Variants in PABPC1 observed in about 807,000 individuals in gnomAD.
PABPC1 encodes polyadenylate-binding protein 1.
PABPC1 carries 4 observed loss-of-function variants against 74.0 expected under a neutral mutation model. The observed-to-expected ratio is 0.05, with a 90% CI of 0.03 to 0.12. The LOEUF (loss-of-function observed/expected upper bound fraction) is 0.12, where lower values mean the gene tolerates loss of function less well. Ranked by LOEUF, PABPC1 falls within the 10% of genes least tolerant of loss-of-function variation. The pLI is 1.00. For missense variants in PABPC1, 271 were observed against 821.1 expected, an observed-to-expected ratio of 0.33 and a Z score of 8.19; for synonymous variants, 227 against 264.1, an observed-to-expected ratio of 0.86 and a Z score of 1.36.
At chr8:100,718,373 C>T in intron 1 of PABPC1, 93 bp from the exon 2 acceptor site, 1 of 944,132 alleles carries the variant, frequency 1.1e-6, no homozygotes, top group South Asian at 1.7e-5. Flanking sequence ...AGTGGGAGGA[C>T]ACATGGTCTC....
intron 14 of PABPC1, among the ~76,000 whole-genome samples, chr8:100,703,885 A>G (rs1810310549): frequency 6.6e-6 from 1 of 152,132 alleles, no homozygotes; most frequent in Non-Finnish European, 1.5e-5. Context: ...CCCCAAGTCT[A>G]GTAAAAATAC....
chr8:100,709,255 G>A lies in PABPC1; in HGVS notation c.1246-32C>T, dbSNP rs770623614. On this transcript the variant is annotated intron_variant, in intron 8 of 14. Transcript: ENST00000318607. ...GGAAAAAAAGCACATGAGTTTATCA[G>A]TTGAAGAAAAAAGCAAATAATGCAA... 15 of 1,593,270 alleles carry A rather than the reference G, an allele frequency of 9.4e-6. No individual in the cohort carries two copies. The East Asian group carries it at 2.7e-4, about 28-fold the overall frequency.
In PABPC1 at chr8:100,704,318, T is replaced by G; in HGVS notation, c.1891A>C (p.Thr631Pro). The change falls in exon 14 of 15, where the codon ACC becomes CCC. Residue 631 changes from threonine (T) to proline (P), a missense_variant. Transcript: ENST00000318607. Reference sequence around the variant, plus strand: ...TCACTTTAAACAGTTGGAACACCGGTGGCACTGTTAACTGCTTTCTGGGCA... The same window carrying G: ...TCACTTTAAACAGTTGGAACACCGGGGGCACTGTTAACTGCTTTCTGGGCA... ...EAAQKAVNSA[T>P]GVPTV The G allele has an allele frequency of 6.2e-7, 1 of 1,613,764 alleles. No homozygotes were observed. Among genetic ancestry groups the G allele is most frequent in the African/African-American group, 1.3e-5 (1 of 75,012 alleles).
At position 100,705,568 on chromosome 8, in the gene PABPC1, AGG is replaced by A. The variant is rs1427471017; in HGVS notation, c.1687+19_1687+20del. On this transcript the variant is annotated intron_variant, in intron 12 of 14. Coordinates refer to ENST00000318607, the MANE Select transcript of PABPC1 (RefSeq NM_002568.4). The stretch of plus-strand genomic sequence containing the variant: ...ATTTTCTAGTCTTTCTGAACTGACA[AGG>A]TGGGACAGAAGTACTCACCCAACAT... 2 of 1,323,488 alleles carry A rather than the reference AGG, an allele frequency of 1.5e-6. No individual in the cohort carries two copies. The highest frequency in any genetic ancestry group is 1.7e-5 in the Admixed American group (1 of 58,288). 82.0% of individuals were successfully genotyped at this position (1,323,488 alleles called of 1,614,324 possible). A position where few individuals can be genotyped will look rare whatever the true frequency, so the allele number is the denominator to read the frequency against.
At chr8:100,717,470 C>T (rs897787585) in intron 3 of PABPC1, among the ~76,000 whole-genome samples, 2 of 152,102 alleles carry the variant, frequency 1.3e-5, no homozygotes, top group African/African-American at 4.8e-5. Flanking sequence ...TTTGAAAAAG[C>T]TACATTTTTC....
At chr8:100,715,417 C>A in intron 4 of PABPC1, 45 bp downstream of exon 4, 1 of 1,517,226 alleles carries the variant, frequency 6.6e-7, no homozygotes, top group Non-Finnish European at 8.9e-7. Flanking sequence ...ACACTGAGCA[C>A]TAATTCAGAG....
rs575903648 is a variant in PABPC1, at chr8:100,709,311, C to T, written c.1246-88G>A. 272 of 1,463,810 alleles carry T rather than the reference C, an allele frequency of 1.9e-4. 1 individual carries two copies. The African/African-American group carries it at 3.4e-3, about 18-fold the overall frequency. The allele number at this position is 1,463,810 out of a possible 1,614,324, so 90.7% of individuals were successfully genotyped here. A position where few individuals can be genotyped will look rare whatever the true frequency, so the allele number is the denominator to read the frequency against. ...TATATGTACTTTTTCAAAACATTTA[C>T]CAGGACTTCACACTCAAGCATTTTT... On this transcript the variant is annotated intron_variant, in intron 8 of 14. Transcript: ENST00000318607.
chr8:100,706,687 T>C lies in PABPC1; in HGVS notation c.1566A>G (p.Gln522=), dbSNP rs770563306. 9 of 1,614,130 alleles carry C rather than the reference T, an allele frequency of 5.6e-6. No individual in the cohort carries two copies. Among genetic ancestry groups the C allele is most frequent in the Admixed American group, 1.7e-5 (1 of 60,020 alleles). ...TAACTTGTGGCTGTGCATTAAGATG[T>C]TGCTGAGGATTGCGAACTCCTGCAG... ...KYAAGVRNPQ[Q]HLNAQPQVTM... Residue 522 remains glutamine, a synonymous_variant, in exon 11 of 15, where the codon CAA becomes CAG. Transcript: ENST00000318607.
intron 1 of PABPC1, among the ~76,000 whole-genome samples, chr8:100,719,008 C>A (rs1810743810): frequency 6.6e-6 from 1 of 152,222 alleles, no homozygotes; most frequent in African/African-American, 2.4e-5. Flanking sequence ...TTGACACATA[C>A]AATCAATTTC....
chr8:100,716,217 A>G (rs1810665338), intron 3 of PABPC1, among the ~76,000 whole-genome samples: 1 of 152,200 alleles, frequency 6.6e-6, no homozygotes, highest in Non-Finnish European at 1.5e-5. Context: ...CAGCCTAGCC[A>G]ACATGGTGAA....
Position 100,712,721 on chromosome 8 carries a change from C to T in PABPC1, c.807G>A (p.Lys269=), listed in dbSNP as rs1053079946. The T allele has an allele frequency of 6.2e-7, 1 of 1,613,164 alleles. No homozygotes were observed. Among genetic ancestry groups the T allele is most frequent in the African/African-American group, 1.3e-5 (1 of 74,806 alleles). ...GCTTAAGTTCCGTCTGCCGTTCCAC[C>T]TTTTTCTGAGCTCGACCAACATAAA... ...KQIYVGRAQK[K]VERQTELKRK... Residue 269 remains lysine (K), a synonymous_variant, in exon 6 of 15, where the codon AAG becomes AAA. Coordinates refer to ENST00000318607, the MANE Select transcript of PABPC1 (RefSeq NM_002568.4).
chr8:100,719,510 T>C (rs140293240), intron 1 of PABPC1, among the ~76,000 whole-genome samples: 151 of 152,184 alleles, frequency 9.9e-4, no homozygotes, highest in African/African-American at 3.4e-3. Context: ...AATAAGTTTT[T>C]AAAAAAGAAC....
chr8:100,709,291 G>A (rs1203884830), intron 8 of PABPC1, 68 bp from the exon 9 acceptor site: 5 of 1,494,222 alleles, frequency 3.3e-6, no homozygotes, highest in South Asian at 2.3e-5. Context: ...TAAATTATAT[G>A]TACTTTTTCA....
intron 7 of PABPC1, among the ~76,000 whole-genome samples, chr8:100,711,350 C>G (rs189705634): frequency 1.8e-4 from 28 of 152,102 alleles, no homozygotes; most frequent in African/African-American, 6.5e-4. Flanking sequence ...ATTCTTGGGC[C>G]GCATGTGGCC....
intron 5 of PABPC1, 87 bp from the exon 6 acceptor site, chr8:100,712,876 A>C (rs1182733462): frequency 1.4e-6 from 2 of 1,428,402 alleles, no homozygotes; most frequent in African/African-American, 3.0e-5. Context: ...AAATTTGTTA[A>C]GTCACAAAAG....
chr8:100,710,709 G>A (rs572309721), intron 7 of PABPC1, among the ~76,000 whole-genome samples: 7 of 152,138 alleles, frequency 4.6e-5, no homozygotes, highest in African/African-American at 7.2e-5. Flanking sequence ...ATGTTTGGCC[G>A]GGCGCGGTGG....
chr8:100,715,691 T>C lies in PABPC1; in HGVS notation c.504-90A>G, dbSNP rs1042831410. The C allele has an allele frequency of 3.5e-6, 3 of 869,436 alleles. No individual in the cohort carries two copies. In the African/African-American group the frequency reaches 5.1e-5, roughly 15 times the overall value. 53.9% of individuals were successfully genotyped at this position (869,436 alleles called of 1,614,324 possible). ...TGATGGTTGGTTTTGTTACTGTTAA[T>C]GAGAATATTCAGAATCCCTAATAAA... On this transcript the variant is annotated intron_variant, in intron 3 of 14. Coordinates refer to ENST00000318607, the MANE Select transcript of PABPC1 (RefSeq NM_002568.4).
intron 1 of PABPC1, 131 bp from the exon 2 acceptor site, chr8:100,718,411 C>G: frequency 1.4e-6 from 1 of 692,808 alleles, no homozygotes; most frequent in Non-Finnish European, 2.4e-6. Context: ...CTTTAAGCTT[C>G]AAGATGGCTA....
chr8:100,705,146 A>T, intron 12 of PABPC1, 90 bp from the exon 13 acceptor site: 1 of 1,027,878 alleles, frequency 9.7e-7, no homozygotes, highest in Non-Finnish European at 1.5e-6. Flanking sequence ...TTTAAGAACC[A>T]TACTTCTGTC....
Sources: allele counts gnomAD v4.1 joint callset (sites outside exome capture counted in the v4.1 genomes callset), GRCh38; gene constraint gnomAD v4.1.1; transcripts MANE v1.5; gene names NCBI Gene and HGNC (gene_info 2026-07-23, HGNC 2026-07-21).